Variants in CRHBP observed in about 807,000 individuals in gnomAD.
CRHBP encodes corticotropin-releasing hormone-binding protein.
In CRHBP, 19 loss-of-function variants were observed where a neutral mutation model predicts 34.9. The observed-to-expected ratio is 0.55, with a 90% confidence interval of 0.38 to 0.80. The LOEUF is 0.80. CRHBP is among the 30% of genes least tolerant of loss of function. The pLI, the probability that CRHBP is intolerant of heterozygous loss-of-function variation, is 0.00. For missense variants in CRHBP, 328 were observed against 409.2 expected, an observed-to-expected ratio of 0.80 and a Z score of 1.71; for synonymous variants, 154 against 153.4, an observed-to-expected ratio of 1.00 and a Z score of -0.03.
intron 2 of CRHBP, among the ~76,000 whole-genome samples, chr5:76,975,436 C>T (rs567160678): frequency 6.6e-6 from 1 of 152,112 alleles, no homozygotes; most frequent in East Asian, 1.9e-4. Context: ...TATATTATCG[C>T]TAATCATTAT....
chr5:76,956,956 C>T (rs1745680944), intron 4 of CRHBP, among the ~76,000 whole-genome samples: 1 of 151,956 alleles, frequency 6.6e-6, no homozygotes, highest in African/African-American at 2.4e-5. Context: ...TTGAAAAAGC[C>T]CCCCAAAAAG....
At chr5:76,956,019 T>C (rs11747040) in intron 4 of CRHBP, among the ~76,000 whole-genome samples, 156 bp downstream of exon 4, 9,690 of 152,320 alleles carry the variant, frequency 0.064, 434 homozygotes, top group Middle Eastern at 0.1. Context: ...TTCTATTCTT[T>C]ATTATGAAAA....
chr5:76,976,095 T>C (rs1746031421), intron 2 of CRHBP, among the ~76,000 whole-genome samples: 1 of 151,480 alleles, frequency 6.6e-6, no homozygotes, highest in African/African-American at 2.4e-5. Context: ...TGATCTTATA[T>C]ATAATAAGAT....
intron 6 of CRHBP, among the ~76,000 whole-genome samples, chr5:76,965,457 A>G (rs989702685): frequency 6.6e-6 from 1 of 152,214 alleles, no homozygotes; most frequent in Non-Finnish European, 1.5e-5. Context: ...CACTTGAGCC[A>G]TGGTTTAAAC....
chr5:76,957,023 C>T lies in CRHBP; in HGVS notation c.544+1160C>T, dbSNP rs76568724. Among the ~76,000 whole-genome samples, 138 of 152,090 alleles carry T rather than the reference C, an allele frequency of 9.1e-4. 1 individual carries two copies. The highest frequency in any genetic ancestry group is 3.3e-3 in the African/African-American group (135 of 41,492). ...TAGAAGACAAAATAAAGAGTTTCCC[C>T]TATATTTTGTTTAGTTAGAAATCAG... On this transcript the variant is annotated intron_variant, in intron 4 of 6. Coordinates refer to ENST00000274368, the MANE Select transcript of CRHBP (RefSeq NM_001882.4).
chr5:76,975,065 C>A (rs1374061466), intron 2 of CRHBP, among the ~76,000 whole-genome samples: 1 of 152,276 alleles, frequency 6.6e-6, no homozygotes, highest in South Asian at 2.1e-4. Flanking sequence ...CTCTTTGTAA[C>A]TAGAAGAATT....
chr5:76,953,986 G>A (rs751270725), intron 2 of CRHBP, 43 bp from the exon 3 acceptor site: 3 of 1,568,088 alleles, frequency 1.9e-6, no homozygotes, highest in East Asian at 2.3e-5. Context: ...GCGCTGCGGC[G>A]GCTGCAGCCC....
intron 6 of CRHBP, among the ~76,000 whole-genome samples, chr5:76,966,709 G>A (rs1445597779): frequency 6.6e-6 from 1 of 152,012 alleles, no homozygotes; most frequent in African/African-American, 2.4e-5. Flanking sequence ...TTGACCTTAA[G>A]TTCCCTGCCT....
intron 6 of CRHBP, among the ~76,000 whole-genome samples, chr5:76,968,204 G>GTT (rs34392609): frequency 3.8e-5 from 5 of 132,420 alleles, no homozygotes; most frequent in African/African-American, 8.6e-5. Flanking sequence ...GTTTTTTTTT[G>GTT]TTTTTTTTTT....
intron 5 of CRHBP, among the ~76,000 whole-genome samples, chr5:76,962,220 GA>G (rs1215047490): frequency 6.6e-6 from 1 of 152,090 alleles, no homozygotes; most frequent in African/African-American, 2.4e-5. Flanking sequence ...ACACTTCAAT[GA>G]AAAAGAGGAT....
chr5:76,953,910 A>C, intron 2 of CRHBP, 119 bp from the exon 3 acceptor site: 1 of 1,314,890 alleles, frequency 7.6e-7, no homozygotes, highest in East Asian at 2.5e-5. Context: ...CCTAGGCTGG[A>C]AGTCGGGGCG....
intron 6 of CRHBP, among the ~76,000 whole-genome samples, chr5:76,966,393 A>G (rs1413492985): frequency 6.6e-6 from 1 of 152,200 alleles, no homozygotes; most frequent in Non-Finnish European, 1.5e-5. Flanking sequence ...TTGGCACCCT[A>G]TGCAGATGAA....
intron 1 of CRHBP, 45 bp from the exon 2 acceptor site, chr5:76,953,556 C>A: frequency 2.5e-6 from 4 of 1,572,188 alleles, no homozygotes; most frequent in Non-Finnish European, 3.5e-6. Flanking sequence ...CCTTTTTTAT[C>A]CCCAGCCCTT....
intron 6 of CRHBP, 106 bp from the exon 7 acceptor site, chr5:76,968,620 AAG>A: frequency 8.9e-7 from 1 of 1,118,600 alleles, no homozygotes. Context: ...ACATGAGAGG[AAG>A]ATAGGTCTCC....
intron 3 of CRHBP, among the ~76,000 whole-genome samples, chr5:76,976,698 C>G (rs1316159266): frequency 2.0e-5 from 3 of 152,158 alleles, no homozygotes; most frequent in Non-Finnish European, 4.4e-5. Flanking sequence ...TATGAGTGTT[C>G]CTTTCTCAGA....
chr5:76,965,238 T>G (rs1745844900), intron 6 of CRHBP, among the ~76,000 whole-genome samples: 1 of 152,180 alleles, frequency 6.6e-6, no homozygotes, highest in South Asian at 2.1e-4. Flanking sequence ...ACCAATCTCC[T>G]GAGGATACCA....
chr5:76,966,447 C>T (rs1437379060), intron 6 of CRHBP, among the ~76,000 whole-genome samples: 1 of 152,194 alleles, frequency 6.6e-6, no homozygotes, highest in Non-Finnish European at 1.5e-5. Flanking sequence ...AGGCACTCTC[C>T]CTTTCCTTGT....
At chr5:76,957,067 G>A (rs1048268369) in intron 4 of CRHBP, among the ~76,000 whole-genome samples, 8 of 152,236 alleles carry the variant, frequency 5.3e-5, no homozygotes, top group Admixed American at 4.6e-4. Flanking sequence ...TGGGCCAGGC[G>A]TGGTGGCTCA....
intron 5 of CRHBP, 151 bp downstream of exon 5, chr5:76,959,040 G>C: frequency 1.4e-6 from 1 of 717,016 alleles, no homozygotes; most frequent in Non-Finnish European, 2.1e-6. Context: ...TGCCCTAGCT[G>C]CTTTGACTAA....
Sources: gnomAD v4.1 joint callset for allele counts (sites outside exome capture counted in the v4.1 genomes callset) on GRCh38, gnomAD v4.1.1 for gene constraint, MANE v1.5 for transcripts, NCBI Gene and HGNC (gene_info 2026-07-23, HGNC 2026-07-21) for gene names.